The following RORA variants were observed in gnomAD, a reference collection of about 807,000 sequenced individuals.
RORA encodes the protein nuclear receptor ROR-alpha.
RORA carries 7 observed loss-of-function variants against 69.5 expected under a neutral mutation model. That is an observed-to-expected ratio of 0.10 (90% CI 0.06 to 0.19). The LOEUF (loss-of-function observed/expected upper bound fraction) is 0.19. Among genes scored for constraint, RORA ranks in the 10% least tolerant of loss-of-function variants. RORA has a pLI of 1.00. For synonymous variants in RORA, 261 were observed against 240.8 expected, an observed-to-expected ratio of 1.08 and a Z score of -0.78; for missense variants, 457 against 663.0, an observed-to-expected ratio of 0.69 and a Z score of 3.41.
At chr15:60,805,479 C>T (rs62004360) in intron 1 of RORA, among the ~76,000 whole-genome samples, 28,572 of 152,196 alleles carry the variant, frequency 0.19, 3,290 homozygotes, top group Non-Finnish European at 0.25. Flanking sequence ...GAGCCCAGCA[C>T]TTACCGGATG....
At chr15:60,652,316 G>A (rs1317029564) in intron 2 of RORA, among the ~76,000 whole-genome samples, 1 of 152,098 alleles carries the variant, frequency 6.6e-6, no homozygotes, top group African/African-American at 2.4e-5. Context: ...GGCATAAGTA[G>A]GGCCAATGGG....
chr15:61,143,204 A>G (rs886630676), intron 1 of RORA, among the ~76,000 whole-genome samples: 5 of 152,132 alleles, frequency 3.3e-5, no homozygotes, highest in African/African-American at 1.2e-4. Flanking sequence ...TATACAGAAG[A>G]AAGGTATCAT....
intron 5 of RORA, among the ~76,000 whole-genome samples, chr15:60,506,686 CTA>C (rs2065514428): frequency 6.6e-6 from 1 of 150,754 alleles, no homozygotes; most frequent in African/African-American, 2.5e-5. Context: ...AACCCTGTCT[CTA>C]TTAAAAATAC....
chr15:60,845,224 C>T (rs2073250094), intron 1 of RORA, among the ~76,000 whole-genome samples: 1 of 152,166 alleles, frequency 6.6e-6, no homozygotes, highest in Non-Finnish European at 1.5e-5. Context: ...GAATGACCAT[C>T]ACTACGTCAA....
chr15:61,056,631 T>C (rs1208046271), intron 1 of RORA, among the ~76,000 whole-genome samples: 2 of 152,228 alleles, frequency 1.3e-5, no homozygotes, highest in African/African-American at 2.4e-5. Context: ...CATCTAAACA[T>C]GGTTCTAGAA....
At chr15:61,017,170 A>G (rs2140406415) in intron 1 of RORA, among the ~76,000 whole-genome samples, 1 of 152,310 alleles carries the variant, frequency 6.6e-6, no homozygotes, top group African/African-American at 2.4e-5. Flanking sequence ...CTTAACCTCC[A>G]GGGCTCCATT....
At chr15:60,591,354 T>C (rs1222163496) in intron 2 of RORA, among the ~76,000 whole-genome samples, 2 of 152,070 alleles carry the variant, frequency 1.3e-5, no homozygotes, top group Non-Finnish European at 2.9e-5. Flanking sequence ...TTTGCAACCG[T>C]CCCAAGAGCG....
At chr15:61,182,001 T>C (rs2079691429) in intron 1 of RORA, among the ~76,000 whole-genome samples, 1 of 152,210 alleles carries the variant, frequency 6.6e-6, no homozygotes, top group South Asian at 2.1e-4. Flanking sequence ...GCAATTTATT[T>C]CTCATTCATT....
At chr15:60,513,113 C>T (rs2065756978) in intron 4 of RORA, among the ~76,000 whole-genome samples, 1 of 152,174 alleles carries the variant, frequency 6.6e-6, no homozygotes, top group Non-Finnish European at 1.5e-5. Flanking sequence ...TCTTTTCTTG[C>T]CAAAGAGGAC....
chr15:60,568,855 G>A lies in RORA; in HGVS notation c.197-37004C>T, dbSNP rs73422069. On this transcript the variant is annotated intron_variant, in intron 2 of 10. Coordinates refer to ENST00000335670, the MANE Select transcript of RORA (RefSeq NM_134261.3). ...AGTTGCTTTGCAAGGACGGAACAGGGAGTTGTTGATGACAAAGTGAAGTAG... is the reference window on the plus strand; with the variant it reads ...AGTTGCTTTGCAAGGACGGAACAGGAAGTTGTTGATGACAAAGTGAAGTAG... 6.6e-3 allele frequency among the ~76,000 whole-genome samples: 999 copies of A among 152,026 alleles called. 13 individuals carry two copies. The highest frequency in any genetic ancestry group is 0.023 in the African/African-American group (946 of 41,450).
At chr15:60,577,725 C>G (rs1199475062) in intron 2 of RORA, among the ~76,000 whole-genome samples, 1 of 150,290 alleles carries the variant, frequency 6.7e-6, no homozygotes, top group African/African-American at 2.4e-5. Context: ...GAAGTTAAAA[C>G]TGGGAACATT....
At chr15:60,969,435 T>C (rs1025486256) in intron 1 of RORA, among the ~76,000 whole-genome samples, 16 of 152,194 alleles carry the variant, frequency 1.1e-4, no homozygotes, top group African/African-American at 3.9e-4. Flanking sequence ...TTTTGGGTGA[T>C]TCTAATGTGC....
At chr15:60,499,090 TTGAATACAGAGTAG>T (rs1320739300) in intron 10 of RORA, among the ~76,000 whole-genome samples, 2 of 152,156 alleles carry the variant, frequency 1.3e-5, no homozygotes, top group African/African-American at 4.8e-5. Context: ...ACCTTATGCT[TTGAATACAGAGTAG>T]TGATGGGAAA....
chr15:61,002,911 T>A (rs1894786072), intron 1 of RORA, among the ~76,000 whole-genome samples: 1 of 149,666 alleles, frequency 6.7e-6, no homozygotes, highest in Non-Finnish European at 1.5e-5. Context: ...GCGGGCAGAT[T>A]ACGAGGTCAG....
intron 1 of RORA, among the ~76,000 whole-genome samples, chr15:61,064,742 G>A (rs532441281): frequency 2.0e-4 from 31 of 152,230 alleles, no homozygotes; most frequent in African/African-American, 7.5e-4. Context: ...GCCTCCCCCA[G>A]TCATTGGGAA....
rs934377154 is a variant in RORA at position 61,002,613 on chromosome 15, T to G, written c.166+226440A>C. Among the ~76,000 whole-genome samples the G allele has an allele frequency of 3.3e-5, 5 of 152,284 alleles. No individual in the cohort carries two copies. In the East Asian group the frequency reaches 9.6e-4, roughly 29 times the overall value. ...TGCAGCCTACCTTTAATTTAGAAAC[T>G]AGTCAGCCTACTTTTTACTTTATCC... is the stretch of plus-strand genomic sequence containing the variant. On this transcript the variant is annotated intron_variant, in intron 1 of 10. Transcript: ENST00000335670.
chr15:61,199,372 G>T (rs1567034480), intron 1 of RORA, among the ~76,000 whole-genome samples: 1 of 152,146 alleles, frequency 6.6e-6, no homozygotes, highest in African/African-American at 2.4e-5. Context: ...TGGACAAGAA[G>T]TTAGTCCAAT....
At chr15:61,188,096 C>T (rs2079761459) in intron 1 of RORA, among the ~76,000 whole-genome samples, 1 of 152,124 alleles carries the variant, frequency 6.6e-6, no homozygotes, top group African/African-American at 2.4e-5. Flanking sequence ...CCCTGTCGTT[C>T]CCCCGAAATA....
Position 60,525,380 on chromosome 15 carries a change from C to A in RORA, c.282+6386G>T, listed in dbSNP as rs1015512923. On this transcript the variant is annotated intron_variant, in intron 3 of 10. Coordinates refer to ENST00000335670, the MANE Select transcript of RORA (RefSeq NM_134261.3). Reference sequence around the variant, plus strand: ...GAGTTGTCCCCTCCTGTGTGGGGCTCCTTCTCAGTGAAACAGAGGCTGAAA... The same window carrying A: ...GAGTTGTCCCCTCCTGTGTGGGGCTACTTCTCAGTGAAACAGAGGCTGAAA... Among the ~76,000 whole-genome samples, 6 of 152,304 alleles carry A rather than the reference C, an allele frequency of 3.9e-5. No individual in the cohort carries two copies. In the East Asian group the frequency reaches 1.2e-3, roughly 29 times the overall value.
Sources: gnomAD v4.1 joint callset for allele counts (sites outside exome capture counted in the v4.1 genomes callset) on GRCh38, gnomAD v4.1.1 for gene constraint, MANE v1.5 for transcripts, NCBI Gene and HGNC (gene_info 2026-07-23, HGNC 2026-07-21) for gene names.